SMIM20: variants seen among roughly 807,000 people sequenced by gnomAD.
The protein encoded by SMIM20 is small integral membrane protein 20.
Under a neutral mutation model 8.7 loss-of-function variants are expected in SMIM20, and 3 were observed. That is an observed-to-expected ratio of 0.34 (90% CI 0.16 to 0.89). The LOEUF is 0.89. SMIM20 is among the 40% of genes least tolerant of loss of function. The pLI is 0.49. For synonymous variants in SMIM20, 44 were observed against 33.6 expected, an observed-to-expected ratio of 1.31 and a Z score of -1.07; for missense variants, 85 against 84.8, an observed-to-expected ratio of 1.00 and a Z score of -0.01.
chr4:25,928,235 C>T, intron 1 of SMIM20, 78 bp from the exon 2 acceptor site: 1 of 1,377,856 alleles, frequency 7.3e-7, no homozygotes, highest in Non-Finnish European at 1.0e-6. Context: ...TGTCCCATGT[C>T]ATTGGCCCAT....
At chr4:25,921,761 C>T (rs1041057142) in intron 1 of SMIM20, among the ~76,000 whole-genome samples, 1 of 152,020 alleles carries the variant, frequency 6.6e-6, no homozygotes, top group Non-Finnish European at 1.5e-5. Flanking sequence ...CAAGCTGGCC[C>T]GGGGCAGTGT....
chr4:25,927,579 ATTTG>A (rs1711538360), intron 1 of SMIM20, among the ~76,000 whole-genome samples: 1 of 152,134 alleles, frequency 6.6e-6, no homozygotes, highest in African/African-American at 2.4e-5. Flanking sequence ...AAAAGCTGTC[ATTTG>A]TTTGTCAAGA....
chr4:25,915,338 A>G (rs1719064650), intron 1 of SMIM20, among the ~76,000 whole-genome samples: 1 of 152,180 alleles, frequency 6.6e-6, no homozygotes, highest in Admixed American at 6.5e-5. Context: ...ATTAGGCATT[A>G]GAGGCTCATT....
rs113425109 is a variant in SMIM20 at position 25,928,231 on chromosome 4, A to G, written c.110-82A>G. ...ATAAATACTGTTTTCTAATTGTCCC[A>G]TGTCATTGGCCCATGTAAATACAAA... On this transcript the variant is annotated intron_variant, in intron 1 of 2. Coordinates refer to ENST00000506197, the MANE Select transcript of SMIM20 (RefSeq NM_001145432.3). The G allele has an allele frequency of 4.9e-5, 66 of 1,344,748 alleles. 2 individuals carry two copies. The highest frequency in any genetic ancestry group is 2.8e-4 in the African/African-American group (19 of 67,718). 83.3% of individuals were successfully genotyped at this position (1,344,748 alleles called of 1,614,324 possible). A position where few individuals can be genotyped will look rare whatever the true frequency, so the allele number is the denominator to read the frequency against.
chr4:25,921,015 C>G (rs1719193002), intron 1 of SMIM20, among the ~76,000 whole-genome samples: 1 of 152,216 alleles, frequency 6.6e-6, no homozygotes, highest in Non-Finnish European at 1.5e-5. Context: ...TCAGAATGTA[C>G]TCCCACAGAT....
At position 25,914,368 on chromosome 4, in the gene SMIM20, G is replaced by C; in HGVS notation, c.55G>C (p.Gly19Arg). The C allele has an allele frequency of 6.5e-7, 1 of 1,548,644 alleles. No homozygotes were observed. Among genetic ancestry groups the C allele is most frequent in the Non-Finnish European group, 8.7e-7 (1 of 1,145,122 alleles). Residue 19 changes from glycine (G) to arginine (R), a missense_variant, in exon 1 of 3, where the codon GGC becomes CGC. Gly to Arg is a moderately radical substitution (Grantham distance 125). Coordinates refer to ENST00000506197, the MANE Select transcript of SMIM20 (RefSeq NM_001145432.3). ...LIFGGFISLI[G>R]AAFYPIYFRP... ...TTTCGGCGGCTTCATCTCCCTGATC[G>C]GCGCCGCCTTCTATCCCATCTACTT...
chr4:25,920,065 G>A (rs898059015), intron 1 of SMIM20, among the ~76,000 whole-genome samples: 2 of 152,136 alleles, frequency 1.3e-5, no homozygotes, highest in Non-Finnish European at 2.9e-5. Context: ...TTTGTCTATT[G>A]GAAAATGTAT....
At chr4:25,925,919 A>G (rs528128159) in intron 1 of SMIM20, among the ~76,000 whole-genome samples, 2 of 152,232 alleles carry the variant, frequency 1.3e-5, no homozygotes, top group African/African-American at 2.4e-5. Context: ...GACCAGAGAT[A>G]ACGTCCTCAA....
chr4:25,918,889 C>CTTTTTTT (rs775952783), intron 1 of SMIM20, among the ~76,000 whole-genome samples: 4 of 91,694 alleles, frequency 4.4e-5, no homozygotes, highest in Non-Finnish European at 6.5e-5. Flanking sequence ...ATGTGAATAT[C>CTTTTTTT]TTTTTTTTTT....
At chr4:25,921,076 T>C (rs868426416) in intron 1 of SMIM20, among the ~76,000 whole-genome samples, 6 of 152,230 alleles carry the variant, frequency 3.9e-5, no homozygotes, top group African/African-American at 1.4e-4. Context: ...ATTCACTCTT[T>C]ACAAGCATCA....
At chr4:25,926,639 C>T (rs960251655) in intron 1 of SMIM20, among the ~76,000 whole-genome samples, 7 of 152,244 alleles carry the variant, frequency 4.6e-5, no homozygotes, top group African/African-American at 1.7e-4. Context: ...CGGTCCTTGC[C>T]ACCAAAAGTC....
intron 1 of SMIM20, among the ~76,000 whole-genome samples, chr4:25,918,570 G>A (rs1719139006): frequency 6.6e-6 from 1 of 151,914 alleles, no homozygotes; most frequent in Non-Finnish European, 1.5e-5. Flanking sequence ...GAGTGCAATG[G>A]TGTGATCTTA....
At chr4:25,919,915 A>G (rs1375505295) in intron 1 of SMIM20, among the ~76,000 whole-genome samples, 1 of 152,166 alleles carries the variant, frequency 6.6e-6, no homozygotes, top group Non-Finnish European at 1.5e-5. Context: ...GTATATGGTC[A>G]CTGACTGTTT....
At chr4:25,928,486 G>A (rs2109366880) in intron 2 of SMIM20, 117 bp downstream of exon 2, 1 of 990,586 alleles carries the variant, frequency 1.0e-6, no homozygotes, top group Admixed American at 3.3e-5. Context: ...TTAGAGACAA[G>A]ATTGTGATTT....
At chr4:25,921,099 G>A (rs1056562481) in intron 1 of SMIM20, among the ~76,000 whole-genome samples, 1 of 152,234 alleles carries the variant, frequency 6.6e-6, no homozygotes, top group African/African-American at 2.4e-5. Context: ...CTGATTGATT[G>A]TATGTTAACT....
At chr4:25,925,045 C>T (rs1029869953) in intron 1 of SMIM20, among the ~76,000 whole-genome samples, 2 of 152,030 alleles carry the variant, frequency 1.3e-5, no homozygotes, top group African/African-American at 4.8e-5. Context: ...ACTTGGATCC[C>T]ATCCCCAAGA....
Position 25,929,249 on chromosome 4 carries a change from A to T in SMIM20, c.*58A>T. 6.5e-7 allele frequency: 1 copy of T among 1,534,226 alleles called. No individual in the cohort carries two copies. The highest frequency in any genetic ancestry group is 2.0e-5 in the Admixed American group (1 of 50,948). On this transcript the variant is annotated 3_prime_UTR_variant, in exon 3 of 3. Transcript: ENST00000506197. ...GATTTCTTCATGCTTTCGATTCTGC[A>T]TGGGGTACAGCCAGTCACCTCACCA...
At chr4:25,921,967 A>G (rs1157237442) in intron 1 of SMIM20, among the ~76,000 whole-genome samples, 1 of 152,232 alleles carries the variant, frequency 6.6e-6, no homozygotes, top group Non-Finnish European at 1.5e-5. Context: ...ACAGTAAAAG[A>G]GATAAGTGAA....
At chr4:25,919,195 C>T (rs1037317120) in intron 1 of SMIM20, among the ~76,000 whole-genome samples, 5 of 152,126 alleles carry the variant, frequency 3.3e-5, no homozygotes, top group African/African-American at 4.8e-5. Flanking sequence ...TGAGCCACCG[C>T]GCCTGGCCTG....
Sources: gnomAD v4.1 joint callset for allele counts (sites outside exome capture counted in the v4.1 genomes callset) on GRCh38, gnomAD v4.1.1 for gene constraint, MANE v1.5 for transcripts, NCBI Gene and HGNC (gene_info 2026-07-23, HGNC 2026-07-21) for gene names.